Variants in SPOCK1 observed in about 807,000 individuals in gnomAD.
SPOCK1 encodes SPARC (osteonectin), cwcv and kazal like domains proteoglycan 1.
SPOCK1 carries 23 observed loss-of-function variants against 55.3 expected under a neutral mutation model. The observed-to-expected ratio is 0.42, with a 90% CI of 0.30 to 0.59. The LOEUF is 0.59. SPOCK1 is among the 20% of genes least tolerant of loss of function. The pLI, the probability that SPOCK1 is intolerant of heterozygous loss-of-function variation, is 0.22. For missense variants in SPOCK1, 499 were observed against 552.5 expected (o/e 0.90, Z 0.97); for synonymous variants, 226 against 221.0 (o/e 1.02, Z -0.20).
At position 137,010,348 on chromosome 5, in the gene SPOCK1, G is replaced by A. The variant is rs564125408; in HGVS notation, c.590-17748C>T. 1.0e-3 allele frequency among the ~76,000 whole-genome samples: 159 copies of A among 152,154 alleles called. 1 individual carries two copies. In the Middle Eastern group the frequency reaches 0.014, roughly 13 times the overall value. On this transcript the variant is annotated intron_variant, in intron 6 of 10. Transcript: ENST00000394945. ...CAAACAGGTCATGGCCAGCATGTAC[G>A]TTTGAGGATGTTGTGGAGAGATAGA...
chr5:136,983,114 C>T (rs1750764991), intron 9 of SPOCK1, among the ~76,000 whole-genome samples: 1 of 152,194 alleles, frequency 6.6e-6, no homozygotes, highest in African/African-American at 2.4e-5. Flanking sequence ...ACATCAGCCT[C>T]CTGAAAACAG....
At chr5:137,340,997 C>A (rs991268650) in intron 2 of SPOCK1, among the ~76,000 whole-genome samples, 9 of 152,192 alleles carry the variant, frequency 5.9e-5, no homozygotes, top group Non-Finnish European at 1.3e-4. Context: ...ACATCAGAGC[C>A]CTCATACTCT....
At chr5:137,326,959 A>G (rs746171503) in intron 2 of SPOCK1, among the ~76,000 whole-genome samples, 25 of 152,218 alleles carry the variant, frequency 1.6e-4, no homozygotes, top group Non-Finnish European at 2.8e-4. Context: ...GACATCATCC[A>G]AAAGAGCCTC....
At chr5:137,296,080 C>T (rs556315212) in intron 2 of SPOCK1, among the ~76,000 whole-genome samples, 20 of 152,226 alleles carry the variant, frequency 1.3e-4, no homozygotes, top group African/African-American at 3.9e-4. Flanking sequence ...GAAGAGACCC[C>T]GCATTCCTTC....
intron 4 of SPOCK1, among the ~76,000 whole-genome samples, chr5:137,132,140 A>C (rs1753898097): frequency 7.5e-6 from 1 of 133,550 alleles, no homozygotes; most frequent in Non-Finnish European, 1.5e-5. Flanking sequence ...GTGCCACTGC[A>C]CTCCAGCCTG....
chr5:137,162,193 A>C (rs1251872207), intron 3 of SPOCK1, among the ~76,000 whole-genome samples: 1 of 148,266 alleles, frequency 6.7e-6, no homozygotes, highest in Non-Finnish European at 1.5e-5. Context: ...GCTGGAGTAC[A>C]ATGGTGGGAT....
chr5:137,153,143 G>A (rs1754350566), intron 3 of SPOCK1, among the ~76,000 whole-genome samples: 1 of 152,208 alleles, frequency 6.6e-6, no homozygotes, highest in Non-Finnish European at 1.5e-5. Context: ...AGCCTGCTCT[G>A]TGAGGCCAGG....
intron 2 of SPOCK1, among the ~76,000 whole-genome samples, chr5:137,385,042 A>C (rs369913580): frequency 2.6e-5 from 4 of 152,340 alleles, no homozygotes; most frequent in Admixed American, 1.3e-4. Context: ...TAATGTCTGC[A>C]GCATGCTTTG....
chr5:137,210,719 C>T (rs1755594769), intron 3 of SPOCK1, among the ~76,000 whole-genome samples: 1 of 152,188 alleles, frequency 6.6e-6, no homozygotes, highest in African/African-American at 2.4e-5. Flanking sequence ...CACACAGGGG[C>T]AGCTGGGATG....
intron 2 of SPOCK1, among the ~76,000 whole-genome samples, chr5:137,304,202 T>C (rs1403977074): frequency 2.6e-5 from 4 of 152,154 alleles, no homozygotes; most frequent in African/African-American, 4.8e-5. Context: ...GTCAAAATTT[T>C]ACATCCATAA....
chr5:137,139,642 C>T (rs929013134), intron 4 of SPOCK1, among the ~76,000 whole-genome samples: 5 of 151,846 alleles, frequency 3.3e-5, no homozygotes, highest in African/African-American at 9.7e-5. Context: ...GGTACAGTGC[C>T]GGTGAGCAGC....
chr5:137,087,910 T>C (rs1752988385), intron 5 of SPOCK1, among the ~76,000 whole-genome samples: 3 of 152,316 alleles, frequency 2.0e-5, no homozygotes, highest in Middle Eastern at 3.4e-3. Flanking sequence ...CCAGGATTTC[T>C]GCAACAAAGA....
chr5:136,988,917 G>A, intron 7 of SPOCK1: 1 of 303,038 alleles, frequency 3.3e-6, no homozygotes, highest in Non-Finnish European at 6.1e-6. Flanking sequence ...ATATAAATAT[G>A]TGTTTTCATT....
intron 3 of SPOCK1, among the ~76,000 whole-genome samples, chr5:137,211,735 A>G (rs1053649950): frequency 6.6e-6 from 1 of 152,114 alleles, no homozygotes; most frequent in Non-Finnish European, 1.5e-5. Context: ...TTGATCACCA[A>G]TGGCCAATGA....
chr5:137,086,567 G>A (rs940950850), intron 5 of SPOCK1, among the ~76,000 whole-genome samples: 1 of 152,194 alleles, frequency 6.6e-6, no homozygotes, highest in African/African-American at 2.4e-5. Context: ...TCGGGAGGTG[G>A]CTGGCTGGGG....
chr5:137,355,509 T>C (rs1396570016), intron 2 of SPOCK1, among the ~76,000 whole-genome samples: 2 of 152,160 alleles, frequency 1.3e-5, no homozygotes, highest in African/African-American at 2.4e-5. Context: ...GTTTTAGTTC[T>C]CACCTCTGAA....
At chr5:137,361,580 G>A (rs977191573) in intron 2 of SPOCK1, among the ~76,000 whole-genome samples, 3 of 152,158 alleles carry the variant, frequency 2.0e-5, no homozygotes, top group African/African-American at 7.2e-5. Flanking sequence ...TAAACAATGT[G>A]ATTTCAATTA....
chr5:137,420,030 C>T (rs1241616738), intron 2 of SPOCK1, among the ~76,000 whole-genome samples: 2 of 152,128 alleles, frequency 1.3e-5, no homozygotes. Flanking sequence ...TGTCAAAGGC[C>T]TTTTCTGCAT....
intron 3 of SPOCK1, among the ~76,000 whole-genome samples, chr5:137,242,855 G>A (rs1441079031): frequency 6.6e-6 from 1 of 152,200 alleles, no homozygotes; most frequent in African/African-American, 2.4e-5. Flanking sequence ...AGAACATTGT[G>A]TATAACATGT....
Sources: allele counts gnomAD v4.1 joint callset (sites outside exome capture counted in the v4.1 genomes callset), GRCh38; gene constraint gnomAD v4.1.1; transcripts MANE v1.5; gene names NCBI Gene and HGNC (gene_info 2026-07-23, HGNC 2026-07-21).